The following PLOD2 variants were observed in gnomAD, a reference collection of about 807,000 sequenced individuals.
The protein encoded by PLOD2 is procollagen-lysine,2-oxoglutarate 5-dioxygenase 2.
Under a neutral mutation model 101.0 loss-of-function variants are expected in PLOD2, and 65 were observed. The ratio of observed to expected loss-of-function variants is 0.64; its 90% CI spans 0.53 to 0.79. PLOD2 has a LOEUF of 0.79. PLOD2 is among the 30% of genes least tolerant of loss of function. The pLI is 0.00. For synonymous variants in PLOD2, 314 were observed against 302.9 expected (o/e 1.04, Z -0.38); for missense variants, 909 against 914.6 (o/e 0.99, Z 0.08).
chr3:146,110,369 C>G lies in PLOD2; in HGVS notation c.418G>C (p.Ala140Pro). ...QKANHKVVFA[A>P]DGILWPDKRL... ...TTATCTGGCCACAAAATTCCATCTG[C>G]TGCAAAGACCACTTTGTGGTTTGCC... Residue 140 changes from alanine to proline, a missense_variant, in exon 4 of 20, where the codon GCA becomes CCA. Coordinates refer to ENST00000282903, the MANE Select transcript of PLOD2 (RefSeq NM_182943.3). The G allele has an allele frequency of 6.2e-7, 1 of 1,613,600 alleles. No individual in the cohort carries two copies. Among genetic ancestry groups the G allele is most frequent in the Non-Finnish European group, 8.5e-7 (1 of 1,179,650 alleles).
chr3:146,149,029 G>A (rs1315491608), intron 1 of PLOD2, among the ~76,000 whole-genome samples: 8 of 152,194 alleles, frequency 5.3e-5, no homozygotes, highest in African/African-American at 1.9e-4. Context: ...GTTCAGGGAA[G>A]AATTCAGTGT....
intron 1 of PLOD2, among the ~76,000 whole-genome samples, chr3:146,135,257 A>G (rs940993270): frequency 9.2e-5 from 14 of 152,166 alleles, no homozygotes; most frequent in African/African-American, 3.4e-4. Flanking sequence ...AGTTCTCCAC[A>G]TTGTTCTACG....
chr3:146,095,206 A>C (rs181635227), intron 7 of PLOD2, among the ~76,000 whole-genome samples: 7 of 152,348 alleles, frequency 4.6e-5, no homozygotes, highest in Non-Finnish European at 8.8e-5. Context: ...ACAAAAGCCA[A>C]AATTGGCAAA....
chr3:146,159,879 A>G (rs1001844950), intron 1 of PLOD2, among the ~76,000 whole-genome samples: 2 of 152,352 alleles, frequency 1.3e-5, no homozygotes, highest in South Asian at 2.1e-4. Flanking sequence ...AGACAAAACT[A>G]TCGCTACATG....
chr3:146,075,890 G>T (rs1936315533), intron 15 of PLOD2: 1 of 151,696 alleles, frequency 6.6e-6, no homozygotes, highest in South Asian at 2.1e-4. Flanking sequence ...TATAGATCAT[G>T]AAATACAATT....
At chr3:146,094,762 A>C (rs1227488200) in intron 7 of PLOD2, among the ~76,000 whole-genome samples, 2 of 152,242 alleles carry the variant, frequency 1.3e-5, no homozygotes, top group African/African-American at 4.8e-5. Flanking sequence ...CGTATAGCCA[A>C]GACAATCCTA....
chr3:146,143,810 A>G (rs886073991), intron 1 of PLOD2, among the ~76,000 whole-genome samples: 3 of 152,080 alleles, frequency 2.0e-5, no homozygotes, highest in Admixed American at 6.5e-5. Context: ...TTTCTCTCCA[A>G]ATTTTTTTAA....
intron 4 of PLOD2, among the ~76,000 whole-genome samples, chr3:146,109,625 C>T (rs959409150): frequency 6.6e-6 from 1 of 152,144 alleles, no homozygotes; most frequent in Non-Finnish European, 1.5e-5. Flanking sequence ...TCTTTTGTCC[C>T]TATGTTTACA....
intron 2 of PLOD2, chr3:146,123,445 TA>T (rs1307309442): frequency 5.6e-6 from 1 of 178,862 alleles, no homozygotes; most frequent in Non-Finnish European, 1.2e-5. Flanking sequence ...CACCTGGAGA[TA>T]AGTTTTCTAA....
At chr3:146,097,099 G>A (rs558936740) in intron 7 of PLOD2, among the ~76,000 whole-genome samples, 3,129 of 143,814 alleles carry the variant, frequency 0.022, 45 homozygotes, top group Non-Finnish European at 0.026. Flanking sequence ...CCCTCTGCCC[G>A]GCCAGTCGCC....
Position 146,119,354 on chromosome 3 carries a change from T to G in PLOD2, c.338+1758A>C, listed in dbSNP as rs1380368666. Among the ~76,000 whole-genome samples, 5 of 152,326 alleles carry G rather than the reference T, an allele frequency of 3.3e-5. No individual in the cohort carries two copies. The South Asian group carries it at 1.0e-3, about 32-fold the overall frequency. ...AATTGTGAGCCAACTAAATCTCTTT[T>G]CTTTATAAATTATGCAGTCTCAGGA... is the stretch of plus-strand genomic sequence containing the variant. On this transcript the variant is annotated intron_variant, in intron 3 of 19. Coordinates refer to ENST00000282903, the MANE Select transcript of PLOD2 (RefSeq NM_182943.3).
intron 1 of PLOD2, among the ~76,000 whole-genome samples, chr3:146,139,121 C>T (rs1203035777): frequency 6.6e-6 from 1 of 151,978 alleles, no homozygotes; most frequent in African/African-American, 2.4e-5. Flanking sequence ...GTGATACAGA[C>T]AAGGAACGGT....
chr3:146,130,903 T>TGG (rs761818380), intron 1 of PLOD2, among the ~76,000 whole-genome samples: 43 of 152,340 alleles, frequency 2.8e-4, no homozygotes, highest in Non-Finnish European at 5.6e-4. Flanking sequence ...TCTGAAAAGT[T>TGG]GGATTCCATA....
At chr3:146,110,525 A>G (rs529971999) in intron 3 of PLOD2, 77 bp from the exon 4 acceptor site, 1 of 1,201,786 alleles carries the variant, frequency 8.3e-7, no homozygotes, top group East Asian at 2.4e-5. Flanking sequence ...AAGTTCTCTA[A>G]CAAAAGTCAG....
At chr3:146,083,543 G>T (rs910584680) in intron 11 of PLOD2, among the ~76,000 whole-genome samples, 1 of 151,660 alleles carries the variant, frequency 6.6e-6, no homozygotes, top group African/African-American at 2.4e-5. Context: ...ACTCTTTAAG[G>T]GGCAAGGGCC....
chr3:146,158,088 C>T (rs569056895), intron 1 of PLOD2, among the ~76,000 whole-genome samples: 2 of 152,224 alleles, frequency 1.3e-5, no homozygotes, highest in East Asian at 3.9e-4. Flanking sequence ...TCAGAAAACA[C>T]ACACAAATTT....
chr3:146,155,479 G>A (rs753269933), intron 1 of PLOD2, among the ~76,000 whole-genome samples: 4 of 151,888 alleles, frequency 2.6e-5, no homozygotes, highest in Non-Finnish European at 5.9e-5. Flanking sequence ...TTGGGAAGCC[G>A]AGGGGGTTGG....
chr3:146,097,389 T>A (rs200134004), intron 7 of PLOD2, among the ~76,000 whole-genome samples: 1,216 of 121,584 alleles, frequency 0.01, 26 homozygotes, highest in African/African-American at 0.037. Context: ...TTGAGAAATC[T>A]GATGGTTGCC....
chr3:146,129,867 A>T (rs1187409642), intron 1 of PLOD2, among the ~76,000 whole-genome samples: 1 of 152,120 alleles, frequency 6.6e-6, no homozygotes, highest in Non-Finnish European at 1.5e-5. Flanking sequence ...AATAACTCTA[A>T]CTCAAGTTAT....
Sources: gnomAD v4.1 joint callset for allele counts (sites outside exome capture counted in the v4.1 genomes callset) on GRCh38, gnomAD v4.1.1 for gene constraint, MANE v1.5 for transcripts, NCBI Gene and HGNC (gene_info 2026-07-23, HGNC 2026-07-21) for gene names.